Variants in TEAD3 observed in about 807,000 individuals in gnomAD.
TEAD3 encodes the protein TEA domain transcription factor 3.
Under a neutral mutation model 55.6 loss-of-function variants are expected in TEAD3, and 15 were observed. The ratio of observed to expected loss-of-function variants is 0.27; its 90% CI spans 0.18 to 0.42. The LOEUF (loss-of-function observed/expected upper bound fraction) is 0.42. Among genes scored for constraint, TEAD3 ranks in the 10% least tolerant of loss-of-function variants. The pLI is 1.00. For missense variants in TEAD3, 407 were observed against 576.8 expected (o/e 0.71, Z 3.01); for synonymous variants, 210 against 232.2 (o/e 0.90, Z 0.87).
At chr6:35,495,745 T>C (rs992731731) in intron 1 of TEAD3, among the ~76,000 whole-genome samples, 3 of 152,142 alleles carry the variant, frequency 2.0e-5, no homozygotes, top group Non-Finnish European at 4.4e-5. Context: ...GGGTGGAACA[T>C]GTGTACAGAG....
At chr6:35,480,347 G>A (rs1768241840) in intron 3 of TEAD3, 1 of 1,613,856 alleles carries the variant, frequency 6.2e-7, no homozygotes, top group Non-Finnish European at 8.5e-7. Flanking sequence ...ACCTTCTTCC[G>A]AGCTAGAACC....
At position 35,475,962 on chromosome 6, in the gene TEAD3, T is replaced by C. The variant is rs200394898; in HGVS notation, c.857A>G (p.Tyr286Cys). 5 of 1,556,036 alleles carry C rather than the reference T, an allele frequency of 3.2e-6. No individual in the cohort carries two copies. The Admixed American group carries it at 8.0e-5, about 25-fold the overall frequency. ...GAAGGCATTAGGGGGCCCCTTCTCA[T>C]AGAGCTCCTTCAATCCTCCCTTTTT... Residue 286 changes from tyrosine to cysteine, a missense_variant, in exon 10 of 13, where the codon TAT (tyrosine) becomes TGT (cysteine). Coordinates refer to ENST00000639578, the Ensembl canonical transcript of TEAD3. This position sits in a 1 kb window ranked among gnomAD's most constrained non-coding sequence, Gnocchi z 5.4.
chr6:35,476,682 A>C (rs1318621886), intron 8 of TEAD3, among the ~76,000 whole-genome samples: 1 of 152,234 alleles, frequency 6.6e-6, no homozygotes, highest in Non-Finnish European at 1.5e-5. Flanking sequence ...GGGAAAGAAC[A>C]ATTACCCAGA....
intron 1 of TEAD3, among the ~76,000 whole-genome samples, chr6:35,489,696 G>C (rs7740891): frequency 0.18 from 26,627 of 151,832 alleles, 2,685 homozygotes; most frequent in African/African-American, 0.28. Context: ...ACTCCTCAAC[G>C]AGAGGGGAAT....
rs866023603 is a variant in TEAD3, at chr6:35,483,325, C to A, written c.267+1235G>T. On this transcript the variant is annotated intron_variant, in intron 3 of 12. Transcript: ENST00000639578. The surrounding 1 kb of genome is among the most constrained non-coding windows in gnomAD (Gnocchi z 4.5). ...TATGCACCATGGGGATCTGTGGGTC[C>A]AAATCCCACCAGGACAGGAGGCTGG... Among the ~76,000 whole-genome samples the A allele has an allele frequency of 1.6e-4, 25 of 152,072 alleles. No individual in the cohort carries two copies. Among genetic ancestry groups the A allele is most frequent in the African/African-American group, 4.8e-4 (20 of 41,378 alleles).
chr6:35,479,105 C>T (rs964233688), intron 5 of TEAD3, among the ~76,000 whole-genome samples, 200 bp downstream of exon 5: 109 of 152,212 alleles, frequency 7.2e-4, no homozygotes, highest in African/African-American at 2.3e-3. Flanking sequence ...GTCTCGATCC[C>T]CTGACCTTGT....
intron 1 of TEAD3, among the ~76,000 whole-genome samples, chr6:35,494,296 G>C (rs1236743211): frequency 1.3e-5 from 2 of 152,222 alleles, no homozygotes; most frequent in Non-Finnish European, 2.9e-5. Flanking sequence ...AAACCCCAAG[G>C]GCTGAGGCTT....
chr6:35,480,468 T>C, intron 3 of TEAD3, 94 bp from the exon 4 acceptor site: 2 of 1,326,442 alleles, frequency 1.5e-6, no homozygotes, highest in South Asian at 2.5e-5. Context: ...ATCCCAGACC[T>C]CTCATCTCTA....
intron 8 of TEAD3, 43 bp downstream of exon 8, chr6:35,477,268 A>AGGTGCAG: frequency 6.2e-7 from 1 of 1,603,076 alleles, no homozygotes; most frequent in Non-Finnish European, 8.5e-7. Context: ...TCCTGAGTGG[A>AGGTGCAG]GGTGCAGGTG....
downstream of TEAD3, chr6:35,474,100 T>G (rs886773640): frequency 2.0e-5 from 3 of 152,168 alleles, no homozygotes; most frequent in Admixed American, 6.5e-5. Context: ...ATCAAAAGCC[T>G]TCTGCTACTC....
intron 3 of TEAD3, among the ~76,000 whole-genome samples, chr6:35,480,684 G>T (rs1461081923): frequency 1.3e-5 from 2 of 152,126 alleles, no homozygotes; most frequent in African/African-American, 2.4e-5. Context: ...TCATGATCAA[G>T]AGCCACAGTG....
Position 35,485,137 on chromosome 6 carries a change from C to G in TEAD3, c.203-513G>C, listed in dbSNP as rs1322403213. Among the ~76,000 whole-genome samples the G allele has an allele frequency of 6.6e-6, 1 of 152,196 alleles. No homozygotes were observed. Among genetic ancestry groups the G allele is most frequent in the Admixed American group, 6.5e-5 (1 of 15,290 alleles). On this transcript the variant is annotated intron_variant, in intron 2 of 12. Coordinates refer to ENST00000639578, the Ensembl canonical transcript of TEAD3. This position sits in a 1 kb window ranked among gnomAD's most constrained non-coding sequence, Gnocchi z 4.3. The stretch of plus-strand genomic sequence containing the variant: ...TGCTCTGTCTTTACCCTGGTCAAGT[C>G]CCTTCCCTTCTCTGGTAAAAGACCA...
At chr6:35,479,433 G>A in intron 4 of TEAD3, 117 bp from the exon 5 acceptor site, 1 of 1,300,928 alleles carries the variant, frequency 7.7e-7, no homozygotes, top group South Asian at 1.3e-5. Context: ...CTTCCGAGGA[G>A]CCCAAGGAAG....
At chr6:35,481,552 T>C (rs1456037596) in intron 3 of TEAD3, among the ~76,000 whole-genome samples, 6 of 152,252 alleles carry the variant, frequency 3.9e-5, no homozygotes, top group Non-Finnish European at 7.3e-5. Flanking sequence ...CACTTCACGC[T>C]GTGACAGTAA....
chr6:35,481,779 C>T (rs892404640), intron 3 of TEAD3, among the ~76,000 whole-genome samples: 12 of 152,216 alleles, frequency 7.9e-5, no homozygotes, highest in African/African-American at 2.9e-4. Flanking sequence ...CTCCACTCAC[C>T]ACCAAGCTCC....
chr6:35,475,654 C>G lies in TEAD3; in HGVS notation c.953G>C (p.Ser318Thr), dbSNP rs750990629. ...GCTATCAGCAGAGCTGTACTGAGAG[C>G]TGACCCCATAGAAGGCTCCCGGGCC... Residue 318 changes from serine (S) to threonine (T), a missense_variant, in exon 11 of 13, where the codon AGC becomes ACC. By Grantham distance (58) the Ser-to-Thr change is moderately conservative. Coordinates refer to ENST00000639578, the Ensembl canonical transcript of TEAD3. The surrounding 1 kb of genome is among the most constrained non-coding windows in gnomAD (Gnocchi z 5.4). 3.0e-5 allele frequency: 48 copies of G among 1,613,204 alleles called. No individual in the cohort carries two copies. The highest frequency in any genetic ancestry group is 4.0e-5 in the African/African-American group (3 of 74,896).
rs180901945 is a variant in TEAD3, at chr6:35,491,765, G to C, written c.-49-5054C>G. On this transcript the variant is annotated intron_variant, in intron 1 of 12. Coordinates refer to ENST00000639578, the Ensembl canonical transcript of TEAD3. The surrounding 1 kb of genome is among the most constrained non-coding windows in gnomAD (Gnocchi z 4.4). The stretch of plus-strand genomic sequence containing the variant: ...CCTCTGGGTGGAGGCAGGGATGGGG[G>C]CTAGGAGGCTGGGTGAGCAGGCTTT... Among the ~76,000 whole-genome samples, 376 of 152,364 alleles carry C rather than the reference G, an allele frequency of 2.5e-3. 3 individuals are homozygous for C. The highest frequency in any genetic ancestry group is 8.7e-3 in the African/African-American group (360 of 41,580).
At chr6:35,489,928 G>A (rs1256603472) in intron 1 of TEAD3, among the ~76,000 whole-genome samples, 5 of 152,064 alleles carry the variant, frequency 3.3e-5, no homozygotes, top group African/African-American at 9.7e-5. Context: ...GGGGACAGGG[G>A]TGTGCTAGCT....
intron 4 of TEAD3, among the ~76,000 whole-genome samples, 176 bp from the exon 5 acceptor site, chr6:35,479,492 G>A (rs1282429456): frequency 6.6e-6 from 1 of 152,224 alleles, no homozygotes; most frequent in Non-Finnish European, 1.5e-5. Context: ...GCCAGCTGGG[G>A]CAAGCCCTGG....
Sources: gnomAD v4.1 joint callset for allele counts (sites outside exome capture counted in the v4.1 genomes callset) on GRCh38, gnomAD v4.1.1 for gene constraint, Gnocchi (gnomAD v3.1) non-coding constraint, MANE v1.5 for transcripts, NCBI Gene and HGNC (gene_info 2026-07-23, HGNC 2026-07-21) for gene names.